FAT3: variants seen among roughly 807,000 people sequenced by gnomAD.
FAT3 encodes FAT atypical cadherin 3, also known as protocadherin Fat 3.
Under a neutral mutation model 310.2 loss-of-function variants are expected in FAT3, and 95 were observed. The ratio of observed to expected loss-of-function variants is 0.31; its 90% CI spans 0.26 to 0.36. The LOEUF (loss-of-function observed/expected upper bound fraction) is 0.36. Among genes scored for constraint, FAT3 ranks in the 10% least tolerant of loss-of-function variants. The pLI, the probability that FAT3 is intolerant of heterozygous loss-of-function variation, is 1.00. For synonymous variants in FAT3, 2,314 were observed against 2,192.9 expected (o/e 1.06, Z -1.54); for missense variants, 5,408 against 5,715.6 (o/e 0.95, Z 1.74).
At chr11:92,318,026 A>G (rs775434222) in intron 1 of FAT3, among the ~76,000 whole-genome samples, 7 of 152,190 alleles carry the variant, frequency 4.6e-5, no homozygotes, top group Non-Finnish European at 1.0e-4. Flanking sequence ...CTCTGAAATT[A>G]TATGTCTTTA....
At chr11:92,569,979 A>G (rs1955612455) in intron 3 of FAT3, among the ~76,000 whole-genome samples, 1 of 151,992 alleles carries the variant, frequency 6.6e-6, no homozygotes, top group Admixed American at 6.6e-5. Context: ...CTTTTGTCTG[A>G]CCGTATGTAT....
At chr11:92,256,479 C>G (rs963803879) in intron 1 of FAT3, among the ~76,000 whole-genome samples, 1 of 151,358 alleles carries the variant, frequency 6.6e-6, no homozygotes, top group Admixed American at 6.6e-5. Context: ...AGATAAAATT[C>G]GAGTTATTAA....
At position 92,792,762 on chromosome 11, in the gene FAT3, T is replaced by C; in HGVS notation, c.4612-5T>C. On this transcript the variant is annotated splice_region_variant and splice_polypyrimidine_tract_variant and intron_variant, in intron 8 of 27. Transcript: ENST00000525166. ...GTCCCACCACTTCTTGTATTTTGCC[T>C]AAAGGTCAGAGATCAGGAGTTTCCT... 1 of 1,613,410 alleles carries C rather than the reference T, an allele frequency of 6.2e-7. No homozygotes were observed. Among genetic ancestry groups the C allele is most frequent in the Non-Finnish European group, 8.5e-7 (1 of 1,179,568 alleles).
rs757072628 is a variant in FAT3 at position 92,297,694 on chromosome 11, C to T, written c.-17-54402C>T. ...GCAAACATATTGTTTCTGTGTTGCA[C>T]GGTTTCCAAGTGAGCGTAGTTATCA... is the stretch of plus-strand genomic sequence containing the variant. On this transcript the variant is annotated intron_variant, in intron 1 of 27. Coordinates refer to ENST00000525166, the MANE Select transcript of FAT3 (RefSeq NM_001367949.2). 3.9e-5 allele frequency among the ~76,000 whole-genome samples: 6 copies of T among 152,110 alleles called. No individual in the cohort carries two copies. The East Asian group carries it at 9.7e-4, about 25-fold the overall frequency.
chr11:92,518,398 A>C (rs1428711473), intron 2 of FAT3, among the ~76,000 whole-genome samples: 1 of 152,140 alleles, frequency 6.6e-6, no homozygotes, highest in East Asian at 1.9e-4. Flanking sequence ...CATTCTCAGC[A>C]AACTAACACA....
intron 13 of FAT3, among the ~76,000 whole-genome samples, chr11:92,814,590 T>TA (rs1355524355): frequency 2.0e-5 from 3 of 151,936 alleles, no homozygotes; most frequent in Non-Finnish European, 2.9e-5. Flanking sequence ...CCAACATTTA[T>TA]AAAAAAAGGG....
At chr11:92,297,516 G>A (rs1361930802) in intron 1 of FAT3, among the ~76,000 whole-genome samples, 1 of 151,932 alleles carries the variant, frequency 6.6e-6, no homozygotes, top group Non-Finnish European at 1.5e-5. Flanking sequence ...GTATTTATTG[G>A]TAACACGGAT....
intron 1 of FAT3, among the ~76,000 whole-genome samples, chr11:92,333,452 C>G (rs1173337235): frequency 6.6e-6 from 1 of 152,126 alleles, no homozygotes; most frequent in African/African-American, 2.4e-5. Flanking sequence ...GCCCCGGGAC[C>G]TGGGACCAAG....
intron 22 of FAT3, among the ~76,000 whole-genome samples, chr11:92,872,797 A>G (rs565235984): frequency 1.3e-5 from 2 of 152,354 alleles, no homozygotes; most frequent in East Asian, 3.9e-4. Context: ...TACAAGGTCT[A>G]AAGGTTTTGA....
intron 1 of FAT3, among the ~76,000 whole-genome samples, chr11:92,340,322 G>A (rs1282379766): frequency 6.6e-6 from 1 of 151,986 alleles, no homozygotes; most frequent in Admixed American, 6.6e-5. Flanking sequence ...ATGTCAGACT[G>A]GTAAGCGGCT....
At chr11:92,633,451 A>G (rs1941634629) in intron 3 of FAT3, among the ~76,000 whole-genome samples, 1 of 152,168 alleles carries the variant, frequency 6.6e-6, no homozygotes, top group African/African-American at 2.4e-5. Context: ...TAGGACGATG[A>G]TGTGAACTTT....
At chr11:92,852,465 C>A (rs561084689) in intron 19 of FAT3, among the ~76,000 whole-genome samples, 156 of 152,026 alleles carry the variant, frequency 1.0e-3, no homozygotes, top group Non-Finnish European at 2.1e-3. Flanking sequence ...CAGCCAGAGC[C>A]CAAATGTTTA....
intron 1 of FAT3, among the ~76,000 whole-genome samples, chr11:92,323,420 T>A (rs1947679058): frequency 6.6e-6 from 1 of 151,974 alleles, no homozygotes; most frequent in African/African-American, 2.4e-5. Flanking sequence ...GATAATTTTT[T>A]AATTTTTATT....
At chr11:92,783,994 T>C (rs1946824011) in intron 7 of FAT3, among the ~76,000 whole-genome samples, 1 of 152,216 alleles carries the variant, frequency 6.6e-6, no homozygotes, top group African/African-American at 2.4e-5. Context: ...GTACATAATA[T>C]CTGTACACAT....
intron 1 of FAT3, among the ~76,000 whole-genome samples, chr11:92,247,404 A>C (rs186650402): frequency 1.5e-3 from 219 of 150,952 alleles, no homozygotes; most frequent in African/African-American, 5.1e-3. Flanking sequence ...TTGGTGTGAC[A>C]TGCCTCTTCT....
chr11:92,584,607 G>A (rs1391629496), intron 3 of FAT3, among the ~76,000 whole-genome samples: 2 of 142,968 alleles, frequency 1.4e-5, no homozygotes, highest in South Asian at 4.7e-4. Context: ...AAACAGGTAT[G>A]TCCAGGAATA....
intron 1 of FAT3, among the ~76,000 whole-genome samples, chr11:92,264,577 G>A (rs1565188418): frequency 6.6e-6 from 1 of 152,096 alleles, no homozygotes; most frequent in South Asian, 2.1e-4. Context: ...GGGAATCTAG[G>A]TTGCTATGAC....
At chr11:92,339,456 C>T (rs956695004) in intron 1 of FAT3, among the ~76,000 whole-genome samples, 2 of 152,182 alleles carry the variant, frequency 1.3e-5, no homozygotes, top group Non-Finnish European at 1.5e-5. Context: ...TGTGGGGTAA[C>T]TGATGTCCAA....
chr11:92,364,053 T>C (rs1437082013), intron 2 of FAT3, among the ~76,000 whole-genome samples: 2 of 152,112 alleles, frequency 1.3e-5, no homozygotes, highest in African/African-American at 4.8e-5. Context: ...TAATTATGTC[T>C]TCATTGTGTA....
Sources: gnomAD v4.1 joint callset for allele counts (sites outside exome capture counted in the v4.1 genomes callset) on GRCh38, gnomAD v4.1.1 for gene constraint, MANE v1.5 for transcripts, NCBI Gene and HGNC (gene_info 2026-07-23, HGNC 2026-07-21) for gene names.